Variants in LIPA observed in about 807,000 individuals in gnomAD.
LIPA encodes the protein lysosomal acid lipase/cholesteryl ester hydrolase.
A neutral mutation model predicts 40.6 loss-of-function variants in LIPA; 26 were observed. That is an observed-to-expected ratio of 0.64 (90% CI 0.47 to 0.89). The LOEUF (loss-of-function observed/expected upper bound fraction) is 0.89. LIPA is among the 40% of genes least tolerant of loss of function. The pLI, the probability that LIPA is intolerant of heterozygous loss-of-function variation, is 0.00. For synonymous variants in LIPA, 188 were observed against 168.4 expected (o/e 1.12, Z -0.90); for missense variants, 455 against 479.6 (o/e 0.95, Z 0.48).
intron 1 of LIPA, among the ~76,000 whole-genome samples, chr10:89,336,580 T>C (rs2133559264): frequency 6.6e-6 from 1 of 152,358 alleles, no homozygotes; most frequent in East Asian, 1.9e-4. Flanking sequence ...ATAAAGTCAA[T>C]GGCTCCTTGT....
chr10:89,293,246 C>A (rs1277862369), intron 1 of LIPA, among the ~76,000 whole-genome samples: 1 of 152,220 alleles, frequency 6.6e-6, no homozygotes, highest in African/African-American at 2.4e-5. Flanking sequence ...CCTTTGCCTT[C>A]TGCCATGATT....
At chr10:89,217,017 A>C (rs926821443) in intron 8 of LIPA, among the ~76,000 whole-genome samples, 1 of 152,224 alleles carries the variant, frequency 6.6e-6, no homozygotes, top group Non-Finnish European at 1.5e-5. Context: ...AGTATAATAT[A>C]AAATATTAGC....
At chr10:89,242,248 A>G (rs1167716609) in intron 3 of LIPA, among the ~76,000 whole-genome samples, 1 of 152,228 alleles carries the variant, frequency 6.6e-6, no homozygotes, top group African/African-American at 2.4e-5. Flanking sequence ...AGGTTGCTTA[A>G]TGGTGGGAAA....
At chr10:89,377,297 G>A (rs1844128608) in intron 2 of LIPA, among the ~76,000 whole-genome samples, 1 of 152,170 alleles carries the variant, frequency 6.6e-6, no homozygotes, top group Non-Finnish European at 1.5e-5. Context: ...AGAACTATGT[G>A]AATTTGGATT....
chr10:89,216,461 T>C (rs1320381810), intron 8 of LIPA, among the ~76,000 whole-genome samples: 1 of 150,932 alleles, frequency 6.6e-6, no homozygotes, highest in Non-Finnish European at 1.5e-5. Context: ...TATATATAGA[T>C]AAAATAATTA....
intron 8 of LIPA, among the ~76,000 whole-genome samples, chr10:89,220,226 C>A (rs1026955072): frequency 6.6e-6 from 1 of 152,164 alleles, no homozygotes; most frequent in African/African-American, 2.4e-5. Flanking sequence ...TGAGGCCTGG[C>A]GTGTACTGTG....
chr10:89,315,815 C>T (rs775466732), intron 1 of LIPA, among the ~76,000 whole-genome samples: 12 of 152,212 alleles, frequency 7.9e-5, no homozygotes, highest in East Asian at 1.9e-4. Context: ...AATGATATGG[C>T]CCCTGGAAAA....
chr10:89,263,025 T>C (rs532658123), intron 1 of LIPA, among the ~76,000 whole-genome samples: 1 of 152,340 alleles, frequency 6.6e-6, no homozygotes, highest in East Asian at 1.9e-4. Context: ...AACTAGAGAT[T>C]CCATCAAGTC....
intron 1 of LIPA, among the ~76,000 whole-genome samples, chr10:89,290,051 T>A (rs1564776848): frequency 6.6e-6 from 1 of 151,720 alleles, no homozygotes; most frequent in South Asian, 2.1e-4. Flanking sequence ...TTTACCTAAA[T>A]CAATCTGGCC....
intron 1 of LIPA, among the ~76,000 whole-genome samples, chr10:89,266,173 T>C (rs931485468): frequency 6.6e-6 from 1 of 152,264 alleles, no homozygotes; most frequent in Non-Finnish European, 1.5e-5. Context: ...TTGTTTGTTG[T>C]TGCTGTCATT....
At position 89,245,688 on chromosome 10, in the gene LIPA, G is replaced by A. The variant is rs1247777595; in HGVS notation, c.217C>T (p.His73Tyr). The A allele has an allele frequency of 1.3e-6, 2 of 1,563,858 alleles. No individual in the cohort carries two copies. The highest frequency in any genetic ancestry group is 8.8e-7 in the Non-Finnish European group (1 of 1,134,558). ...LNRIPHGRKN[H>Y]SDKGPKPVVF... ...AGCCTTCCCATACCTTTGTCAGAAT[G>A]GTTCTTCCTCCCATGAGGAATTCGG... Residue 73 changes from histidine (H) to tyrosine (Y), a missense_variant, in exon 3 of 10, where the codon CAT (histidine) becomes TAT (tyrosine). Transcript: ENST00000336233.
At chr10:89,241,725 C>G (rs777144796) in intron 3 of LIPA, among the ~76,000 whole-genome samples, 7 of 152,134 alleles carry the variant, frequency 4.6e-5, no homozygotes, top group Admixed American at 1.3e-4. Flanking sequence ...TCCAGGCTTT[C>G]ACAGTCTAGA....
chr10:89,350,260 G>A (rs1051593612), intron 2 of LIPA, among the ~76,000 whole-genome samples: 17 of 151,998 alleles, frequency 1.1e-4, no homozygotes, highest in African/African-American at 4.1e-4. Context: ...TAGGTGCACC[G>A]GCCCAGTCAG....
At chr10:89,247,343 G>C (rs1180558741) in intron 2 of LIPA, among the ~76,000 whole-genome samples, 195 bp downstream of exon 2, 1 of 129,876 alleles carries the variant, frequency 7.7e-6, no homozygotes, top group Non-Finnish European at 1.5e-5. Context: ...CTGCACTCCA[G>C]CCTGGGCGGG....
chr10:89,237,433 A>G (rs1280921240), intron 3 of LIPA, among the ~76,000 whole-genome samples: 2 of 151,194 alleles, frequency 1.3e-5, no homozygotes, highest in Admixed American at 1.3e-4. Context: ...TTTAATGCAG[A>G]TGAAAGTGTT....
chr10:89,310,257 G>C (rs1308692926), intron 1 of LIPA, among the ~76,000 whole-genome samples: 1 of 152,030 alleles, frequency 6.6e-6, no homozygotes, highest in East Asian at 1.9e-4. Flanking sequence ...TTTCTCCATA[G>C]AGCTCAGACA....
At chr10:89,379,228 C>T (rs1255448058) in intron 2 of LIPA, among the ~76,000 whole-genome samples, 2 of 152,120 alleles carry the variant, frequency 1.3e-5, no homozygotes, top group Non-Finnish European at 1.5e-5. Flanking sequence ...TAACTGTTCT[C>T]AAAGTGTGGT....
chr10:89,399,955 G>C (rs2133625014), intron 2 of LIPA, among the ~76,000 whole-genome samples: 1 of 152,284 alleles, frequency 6.6e-6, no homozygotes, highest in South Asian at 2.1e-4. Context: ...TCCTTGCCAG[G>C]AACCAAATTG....
chr10:89,384,852 G>T, intron 2 of LIPA: 1 of 952,260 alleles, frequency 1.1e-6, no homozygotes, highest in Non-Finnish European at 1.6e-6. Flanking sequence ...AGCCTTGAGA[G>T]GAATGTGGCT....
Sources: allele counts gnomAD v4.1 joint callset (sites outside exome capture counted in the v4.1 genomes callset), GRCh38; gene constraint gnomAD v4.1.1; transcripts MANE v1.5; gene names NCBI Gene and HGNC (gene_info 2026-07-23, HGNC 2026-07-21).